The following MYMK variants were observed in gnomAD, a reference collection of about 807,000 sequenced individuals.
MYMK encodes protein myomaker.
Under a neutral mutation model 22.4 loss-of-function variants are expected in MYMK, and 16 were observed. That is an observed-to-expected ratio of 0.72 (90% CI 0.48 to 1.09). MYMK has a LOEUF of 1.09. MYMK is among the 50% of genes least tolerant of loss of function. The probability of loss-of-function intolerance (pLI) is 0.00; values close to 1 mark genes in which losing one functional copy is unlikely to be tolerated. For missense variants in MYMK, 250 were observed against 295.6 expected, an observed-to-expected ratio of 0.85 and a Z score of 1.13; for synonymous variants, 125 against 127.0, an observed-to-expected ratio of 0.98 and a Z score of 0.11.
chr9:133,522,666 G>A (rs766459805), intron 1 of MYMK, among the ~76,000 whole-genome samples: 36 of 152,206 alleles, frequency 2.4e-4, no homozygotes, highest in Non-Finnish European at 4.1e-4. Flanking sequence ...GGTTTGCTGG[G>A]CTAGGTCTAA....
In MYMK at chr9:133,514,688, G is replaced by A. The variant is rs765572265; in HGVS notation, c.614C>T (p.Pro205Leu). The change falls in exon 5 of 5, where the codon CCG (proline) becomes CTG (leucine). Residue 205 changes from proline (P) to leucine (L), a missense_variant. Coordinates refer to ENST00000339996, the MANE Select transcript of MYMK (RefSeq NM_001080483.3). Reference sequence around the variant, plus strand: ...GCAGTCCAGCTTGGCCGGGGTCCCCGGGGATCCAGCCTTCTTGTTGACCTT... The same window carrying A: ...GCAGTCCAGCTTGGCCGGGGTCCCCAGGGATCCAGCCTTCTTGTTGACCTT... Reference protein sequence around the residue: ...LPKVNKKAGSPGTPAKLDCST... With the variant: ...LPKVNKKAGSLGTPAKLDCST... 1.4e-5 allele frequency: 22 copies of A among 1,613,858 alleles called. No individual in the cohort carries two copies. Among genetic ancestry groups the A allele is most frequent in the African/African-American group, 4.0e-5 (3 of 74,920 alleles).
Position 133,515,055 on chromosome 9 carries a change from C to T in MYMK, c.517-270G>A, listed in dbSNP as rs559182477. 1.3e-5 allele frequency among the ~76,000 whole-genome samples: 2 copies of T among 152,186 alleles called. No homozygotes were observed. Among genetic ancestry groups the T allele is most frequent in the South Asian group, 2.1e-4 (1 of 4,816 alleles). On this transcript the variant is annotated intron_variant, in intron 4 of 4. Transcript: ENST00000339996. This position sits in a 1 kb window ranked among gnomAD's most constrained non-coding sequence, Gnocchi z 5.8. Reference sequence around the variant, plus strand: ...CTTCTCTTCCTCCATCCTTCTCTCCCTCCTACCCTCCCTCCCTCCATCTCC... The same window carrying T: ...CTTCTCTTCCTCCATCCTTCTCTCCTTCCTACCCTCCCTCCCTCCATCTCC...
Position 133,514,726 on chromosome 9 carries a change from A to C in MYMK, c.576T>G (p.Val192=). Residue 192 remains valine (V), a synonymous_variant, in exon 5 of 5, where the codon GTT becomes GTG. Coordinates refer to ENST00000339996, the MANE Select transcript of MYMK (RefSeq NM_001080483.3). ...TCTTGTTGACCTTGGGCAGCAGCAG[A>C]ACAAAGGACATAGCCAGGGCACAGT... ...FYHCALAMSF[V]LLLPKVNKKA... 1 of 1,614,088 alleles carries C rather than the reference A, an allele frequency of 6.2e-7. No homozygotes were observed. Among genetic ancestry groups the C allele is most frequent in the Non-Finnish European group, 8.5e-7 (1 of 1,179,942 alleles).
rs368840841 is a variant in MYMK, at chr9:133,515,527, G to A, written c.480C>T (p.Phe160=). The A allele has an allele frequency of 4.2e-5, 68 of 1,613,724 alleles. No homozygotes were observed. Among genetic ancestry groups the A allele is most frequent in the Non-Finnish European group, 5.1e-5 (60 of 1,179,704 alleles). The change falls in exon 4 of 5, where the codon TTC becomes TTT. Residue 160 remains phenylalanine (F), a synonymous_variant. Coordinates refer to ENST00000339996, the MANE Select transcript of MYMK (RefSeq NM_001080483.3). The surrounding 1 kb of genome is among the most constrained non-coding windows in gnomAD (Gnocchi z 5.8). ...YTQQIGPGLC[F]GALALMLRFF... is the part of the protein sequence containing the mutation. Reference sequence around the variant, plus strand: ...AGCGTAGCATCAGGGCCAGCGCCCCGAAGCAGAGGCCGGGGCCTATCTGCT... The same window carrying A: ...AGCGTAGCATCAGGGCCAGCGCCCCAAAGCAGAGGCCGGGGCCTATCTGCT...
At chr9:133,519,089 A>T (rs1224465763) in intron 2 of MYMK, 67 bp from the exon 3 acceptor site, 1 of 1,352,024 alleles carries the variant, frequency 7.4e-7, no homozygotes, top group African/African-American at 2.4e-5. Context: ...CTACCCCCCC[A>T]CCCCCCAGCC....
intron 1 of MYMK, among the ~76,000 whole-genome samples, chr9:133,521,392 A>C (rs1234934574): frequency 6.6e-6 from 1 of 152,166 alleles, no homozygotes; most frequent in Non-Finnish European, 1.5e-5. Flanking sequence ...TGGAGGCGAC[A>C]GGGACAGCAC....
At position 133,514,619 on chromosome 9, in the gene MYMK, C is replaced by T. The variant is rs1245825892; in HGVS notation, c.*17G>A. 1 of 1,608,420 alleles carries T rather than the reference C, an allele frequency of 6.2e-7. No individual in the cohort carries two copies. Among genetic ancestry groups the T allele is most frequent in the Non-Finnish European group, 8.5e-7 (1 of 1,176,892 alleles). ...AGCTGGGGAGGGCAGGGGCTCAGAG[C>T]CGGGCTGGGCGCAGCATCAGACACA... is the stretch of plus-strand genomic sequence containing the variant. On this transcript the variant is annotated 3_prime_UTR_variant, in exon 5 of 5. Transcript: ENST00000339996.
At chr9:133,523,663 C>T (rs1387585829) in intron 1 of MYMK, among the ~76,000 whole-genome samples, 2 of 138,086 alleles carry the variant, frequency 1.4e-5, no homozygotes, top group African/African-American at 2.8e-5. Flanking sequence ...TAGATGGATG[C>T]GTAGATAGAG....
At position 133,515,752 on chromosome 9, in the gene MYMK, A is replaced by G; in HGVS notation, c.400-145T>C. ...AGGAGGCTCAGGAGCCTCCTGCCGC[A>G]CCCAGCCTCAGATGGCTTCTGCTGG... is the stretch of plus-strand genomic sequence containing the variant. On this transcript the variant is annotated intron_variant, in intron 3 of 4. Coordinates refer to ENST00000339996, the MANE Select transcript of MYMK (RefSeq NM_001080483.3). This position sits in a 1 kb window ranked among gnomAD's most constrained non-coding sequence, Gnocchi z 5.8. 2 of 602,900 alleles carry G rather than the reference A, an allele frequency of 3.3e-6. No homozygotes were observed. The allele number at this position is 602,900 out of a possible 1,614,324, so 37.3% of individuals were successfully genotyped here.
chr9:133,521,550 C>T (rs944727699), intron 1 of MYMK, among the ~76,000 whole-genome samples: 2 of 152,156 alleles, frequency 1.3e-5, no homozygotes, highest in African/African-American at 2.4e-5. Flanking sequence ...ATGAGGGAGG[C>T]GGCGGTCCTG....
chr9:133,515,029 C>A lies in MYMK; in HGVS notation c.517-244G>T, dbSNP rs928761622. Among the ~76,000 whole-genome samples the A allele has an allele frequency of 1.3e-5, 2 of 152,048 alleles. No homozygotes were observed. The highest frequency in any genetic ancestry group is 2.9e-5 in the Non-Finnish European group (2 of 67,992). ...CTTCCCCATCCCCTCTCTCTGCTGT[C>A]CTTCTCTTCCTCCATCCTTCTCTCC... On this transcript the variant is annotated intron_variant, in intron 4 of 4. Coordinates refer to ENST00000339996, the MANE Select transcript of MYMK (RefSeq NM_001080483.3). The surrounding 1 kb of genome is among the most constrained non-coding windows in gnomAD (Gnocchi z 5.8).
intron 3 of MYMK, 100 bp downstream of exon 3, chr9:133,518,774 G>T: frequency 1.4e-6 from 2 of 1,469,954 alleles, no homozygotes; most frequent in Non-Finnish European, 9.2e-7. Context: ...TTGCCTATGA[G>T]GGCAGGAGGT....
Position 133,515,396 on chromosome 9 carries a change from C to G in MYMK, c.516+95G>C, listed in dbSNP as rs544496834. 2 of 834,598 alleles carry G rather than the reference C, an allele frequency of 2.4e-6. No individual in the cohort carries two copies. The highest frequency in any genetic ancestry group is 3.6e-5 in the African/African-American group (2 of 55,706). The allele number at this position is 834,598 out of a possible 1,614,324, so 51.7% of individuals were successfully genotyped here. ...GACTTTGGCCTGGGGCTGTCAGAGT[C>G]CCCCCAGCGTGGGCACAGCCCTGGT... On this transcript the variant is annotated intron_variant, in intron 4 of 4. Transcript: ENST00000339996. This position sits in a 1 kb window ranked among gnomAD's most constrained non-coding sequence, Gnocchi z 5.8.
Position 133,518,948 on chromosome 9 carries a change from A to G in MYMK, c.325T>C (p.Tyr109His), listed in dbSNP as rs1286416347. The part of the protein sequence containing the change: ...FGVLTIAVRI[Y>H]HDRWGYGVYS... ...ACCCCGTAGCCCCATCGGTCATGGT[A>G]GATCCGCACAGCAATGGTCAGGACG... Residue 109 changes from tyrosine (Y) to histidine (H), a missense_variant, in exon 3 of 5, where the codon TAC becomes CAC. By Grantham distance (83) the Tyr-to-His change is moderately conservative. Coordinates refer to ENST00000339996, the MANE Select transcript of MYMK (RefSeq NM_001080483.3). 3.1e-6 allele frequency: 5 copies of G among 1,613,826 alleles called. No homozygotes were observed. Among genetic ancestry groups the G allele is most frequent in the Non-Finnish European group, 4.2e-6 (5 of 1,180,006 alleles).
rs1300096475 is a variant in MYMK at position 133,520,185 on chromosome 9, A to G, written c.239T>C (p.Val80Ala). The G allele has an allele frequency of 5.0e-6, 8 of 1,613,708 alleles. No individual in the cohort carries two copies. The highest frequency in any genetic ancestry group is 1.3e-5 in the African/African-American group (1 of 74,852). The stretch of plus-strand genomic sequence containing the variant: ...GGTTGACCACTCACCCATCAGCGAG[A>G]CCCACATGCTCAGGGCTGTCCCGTA... ...SVYGTALSMW[V>A]SLMALADFDE... The change falls in exon 2 of 5, where the codon GTC becomes GCC. Residue 80 changes from valine to alanine, a missense_variant. By Grantham distance (64) the Val-to-Ala change is moderately conservative. Transcript: ENST00000339996.
At position 133,518,863 on chromosome 9, in the gene MYMK, G is replaced by T; in HGVS notation, c.399+11C>A. Reference sequence around the variant, plus strand: ...TGGGTCCCCGTTCATCGAGGCTCGCGCAGTACGCACCCACTTTGCCGCGAT... The same window carrying T: ...TGGGTCCCCGTTCATCGAGGCTCGCTCAGTACGCACCCACTTTGCCGCGAT... On this transcript the variant is annotated intron_variant, in intron 3 of 4. Coordinates refer to ENST00000339996, the MANE Select transcript of MYMK (RefSeq NM_001080483.3). 1 of 1,608,428 alleles carries T rather than the reference G, an allele frequency of 6.2e-7. No homozygotes were observed. Among genetic ancestry groups the T allele is most frequent in the East Asian group, 2.2e-5 (1 of 44,732 alleles).
rs1045004534 is a variant in MYMK, at chr9:133,524,913, C to T, written c.-69G>A. The T allele has an allele frequency of 1.4e-5, 21 of 1,524,676 alleles. No homozygotes were observed. Among genetic ancestry groups the T allele is most frequent in the African/African-American group, 2.8e-5 (2 of 72,526 alleles). The allele number at this position is 1,524,676 out of a possible 1,614,324, so 94.4% of individuals were successfully genotyped here. On this transcript the variant is annotated 5_prime_UTR_variant, in exon 1 of 5. In the 5' UTR this introduces an upstream ATG that the reference lacks. Transcript: ENST00000339996. ...GTCCCAGGTCCCCAGCACAGGAGCA[C>T]GAAGTGGGAAGGCCAGCTCCCTTTG...
chr9:133,515,395 TC>T lies in MYMK; in HGVS notation c.516+95del. 4 of 832,970 alleles carry T rather than the reference TC, an allele frequency of 4.8e-6. No homozygotes were observed. The highest frequency in any genetic ancestry group is 1.6e-5 in the South Asian group (1 of 63,722). The allele number at this position is 832,970 out of a possible 1,614,324, so 51.6% of individuals were successfully genotyped here. A position where few individuals can be genotyped will look rare whatever the true frequency, so the allele number is the denominator to read the frequency against. On this transcript the variant is annotated intron_variant, in intron 4 of 4. Transcript: ENST00000339996. This position sits in a 1 kb window ranked among gnomAD's most constrained non-coding sequence, Gnocchi z 5.8. ...AGACTTTGGCCTGGGGCTGTCAGAG[TC>T]CCCCCAGCGTGGGCACAGCCCTGGT... is the stretch of plus-strand genomic sequence containing the variant.
Position 133,515,966 on chromosome 9 carries a change from C to T in MYMK, c.400-359G>A, listed in dbSNP as rs1844625827. 6.6e-6 allele frequency among the ~76,000 whole-genome samples: 1 copy of T among 152,212 alleles called. No homozygotes were observed. Among genetic ancestry groups the T allele is most frequent in the African/African-American group, 2.4e-5 (1 of 41,460 alleles). On this transcript the variant is annotated intron_variant, in intron 3 of 4. Transcript: ENST00000339996. The surrounding 1 kb of genome is among the most constrained non-coding windows in gnomAD (Gnocchi z 5.8). ...GGGGACTAGACTCCATGATTGCTTA[C>T]CAAGGAAAGTACTGGAGTACTTGGG...
Sources: gnomAD v4.1 joint callset for allele counts (sites outside exome capture counted in the v4.1 genomes callset) on GRCh38, gnomAD v4.1.1 for gene constraint, Gnocchi (gnomAD v3.1) non-coding constraint, MANE v1.5 for transcripts, NCBI Gene and HGNC (gene_info 2026-07-23, HGNC 2026-07-21) for gene names.